WDFY1: variants seen among roughly 807,000 people sequenced by gnomAD.
WDFY1 encodes WD repeat and FYVE domain-containing protein 1.
In WDFY1, 32 loss-of-function variants were observed where a neutral mutation model predicts 56.4. The ratio of observed to expected loss-of-function variants is 0.57; its 90% CI spans 0.43 to 0.76. The LOEUF (loss-of-function observed/expected upper bound fraction) is 0.76. Among genes scored for constraint, WDFY1 ranks in the 30% least tolerant of loss-of-function variants. The pLI is 0.00. For missense variants in WDFY1, 480 were observed against 545.7 expected (o/e 0.88, Z 1.20); for synonymous variants, 192 against 197.3 (o/e 0.97, Z 0.23).
chr2:223,884,135 ATTAAAAAAT>A (rs1329513037), intron 9 of WDFY1, among the ~76,000 whole-genome samples: 2 of 151,972 alleles, frequency 1.3e-5, no homozygotes, highest in African/African-American at 4.8e-5. Flanking sequence ...TATTTCTTTA[ATTAAAAAAT>A]TTAAAAAACA....
intron 9 of WDFY1, among the ~76,000 whole-genome samples, chr2:223,884,418 G>A (rs748782299): frequency 1.1e-4 from 16 of 151,996 alleles, no homozygotes; most frequent in African/African-American, 1.4e-4. Flanking sequence ...GATTTTCTAC[G>A]CACCCCTGCC....
chr2:223,897,367 TATATATATA>T (rs1179841013), intron 6 of WDFY1, among the ~76,000 whole-genome samples: 54 of 31,570 alleles, frequency 1.7e-3, no homozygotes, highest in East Asian at 9.9e-3. Context: ...TATATATATA[TATATATATA>T]TATATATATA....
intron 6 of WDFY1, among the ~76,000 whole-genome samples, chr2:223,896,178 A>AAAAAAAAAAAC (rs1559165610): frequency 2.0e-5 from 3 of 148,126 alleles, no homozygotes; most frequent in African/African-American, 7.6e-5. Context: ...AAAAAAAAAA[A>AAAAAAAAAAAC]AAAAACTGCT....
In WDFY1 at chr2:223,903,671, G is replaced by T. The variant is rs1361675549; in HGVS notation, c.334+2276C>A. Among the ~76,000 whole-genome samples, 28 of 145,338 alleles carry T rather than the reference G, an allele frequency of 1.9e-4. No homozygotes were observed. The East Asian group carries it at 2.6e-3, about 13-fold the overall frequency. On this transcript the variant is annotated intron_variant, in intron 4 of 11. Coordinates refer to ENST00000233055, the MANE Select transcript of WDFY1 (RefSeq NM_020830.5). ...TTGTTTTTTTTTTTTTAAAAAAAGG[G>T]ACAGGATCTCACTCTGTTGCCCAGG...
At chr2:223,933,958 C>T (rs530938742) in intron 1 of WDFY1, among the ~76,000 whole-genome samples, 41 of 5,894 alleles carry the variant, frequency 7.0e-3, no homozygotes, top group Non-Finnish European at 0.043. Flanking sequence ...TGAGACCCTG[C>T]CTCAAAAAAA....
intron 8 of WDFY1, among the ~76,000 whole-genome samples, chr2:223,888,561 C>G (rs905216324): frequency 6.6e-6 from 1 of 150,558 alleles, no homozygotes; most frequent in Non-Finnish European, 1.5e-5. Flanking sequence ...AAAATAAATA[C>G]AGATAAGCCA....
At chr2:223,896,567 A>G (rs1693384450) in intron 6 of WDFY1, among the ~76,000 whole-genome samples, 1 of 152,228 alleles carries the variant, frequency 6.6e-6, no homozygotes, top group African/African-American at 2.4e-5. Flanking sequence ...TTCTACAGGT[A>G]TATCTTTCAG....
chr2:223,944,442 T>C (rs1186456278), intron 1 of WDFY1, among the ~76,000 whole-genome samples: 1 of 151,350 alleles, frequency 6.6e-6, no homozygotes, highest in Non-Finnish European at 1.5e-5. Context: ...CGCGGTGGGC[T>C]GGGAGGGGCG....
intron 1 of WDFY1, among the ~76,000 whole-genome samples, chr2:223,928,901 G>A (rs1694028255): frequency 1.4e-5 from 2 of 147,348 alleles, no homozygotes; most frequent in African/African-American, 2.7e-5. Flanking sequence ...TGTTATTGCA[G>A]GGGGGGTGAG....
intron 2 of WDFY1, among the ~76,000 whole-genome samples, chr2:223,915,094 T>C (rs1693765233): frequency 6.6e-6 from 1 of 152,260 alleles, no homozygotes. Context: ...AAAGTCATTC[T>C]AAAACAGACA....
chr2:223,932,313 A>G (rs902674155), intron 1 of WDFY1, among the ~76,000 whole-genome samples: 18 of 151,260 alleles, frequency 1.2e-4, no homozygotes, highest in East Asian at 8.0e-4. Flanking sequence ...TAGTAGAGAC[A>G]GGGTTTCACC....
chr2:223,944,183 C>T (rs1689361997), intron 1 of WDFY1, among the ~76,000 whole-genome samples: 1 of 152,184 alleles, frequency 6.6e-6, no homozygotes, highest in African/African-American at 2.4e-5. Context: ...CGTGAAATCC[C>T]TGAGTACAGG....
chr2:223,897,320 T>C (rs909480343), intron 6 of WDFY1, among the ~76,000 whole-genome samples: 7 of 147,338 alleles, frequency 4.8e-5, no homozygotes, highest in South Asian at 2.1e-4. Context: ...GCATCTGACA[T>C]AGTTTAGACA....
chr2:223,942,527 C>CTTTTTTTTTTTTTTTTTT (rs57223015), intron 1 of WDFY1, among the ~76,000 whole-genome samples: 3 of 74,220 alleles, frequency 4.0e-5, no homozygotes, highest in African/African-American at 6.2e-5. Flanking sequence ...CAAAGGCTAA[C>CTTTTTTTTTTTTTTTTTT]TTTTTTTTTT....
intron 3 of WDFY1, among the ~76,000 whole-genome samples, chr2:223,908,017 C>T (rs1310918081): frequency 4.7e-5 from 7 of 149,986 alleles, no homozygotes; most frequent in Non-Finnish European, 7.4e-5. Context: ...TGCCACCACA[C>T]TAAGCTAATT....
intron 1 of WDFY1, among the ~76,000 whole-genome samples, chr2:223,927,276 A>AT (rs1279863551): frequency 6.6e-6 from 1 of 152,240 alleles, no homozygotes; most frequent in Non-Finnish European, 1.5e-5. Flanking sequence ...AAAGTCCTAG[A>AT]TGGCATCTTC....
chr2:223,901,259 A>G lies in WDFY1; in HGVS notation c.409T>C (p.Cys137Arg), dbSNP rs1693503775. ...EWVISTGHDK[C>R]VSWMCTRSGN... The stretch of plus-strand genomic sequence containing the variant: ...CTCCGCGTGCACATCCAGCTCACAC[A>G]CTTGTCGTGGCCGGTACTGATCACC... Residue 137 changes from cysteine to arginine, a missense_variant, in exon 5 of 12, where the codon TGT becomes CGT. Transcript: ENST00000233055. 6.2e-7 allele frequency: 1 copy of G among 1,614,080 alleles called. No individual in the cohort carries two copies. The highest frequency in any genetic ancestry group is 8.5e-7 in the Non-Finnish European group (1 of 1,179,982).
At chr2:223,886,063 G>A (rs1358821210) in intron 8 of WDFY1, among the ~76,000 whole-genome samples, 1 of 152,200 alleles carries the variant, frequency 6.6e-6, no homozygotes, top group Non-Finnish European at 1.5e-5. Context: ...TAGAAAATAG[G>A]CCAGGTGTGG....
Position 223,940,236 on chromosome 2 carries a change from T to C in WDFY1, c.137+4912A>G, listed in dbSNP as rs555663809. Among the ~76,000 whole-genome samples the C allele has an allele frequency of 1.9e-3, 288 of 152,292 alleles. 1 individual carries two copies. Among genetic ancestry groups the C allele is most frequent in the African/African-American group, 6.8e-3 (281 of 41,566 alleles). ...CGGGAGGCTGAAGCAGGAGAATCGC[T>C]TGAACCTGGGAGGCAGAGGTTGCAG... is the stretch of plus-strand genomic sequence containing the variant. On this transcript the variant is annotated intron_variant, in intron 1 of 11. Coordinates refer to ENST00000233055, the MANE Select transcript of WDFY1 (RefSeq NM_020830.5).
Sources: gnomAD v4.1 joint callset for allele counts (sites outside exome capture counted in the v4.1 genomes callset) on GRCh38, gnomAD v4.1.1 for gene constraint, MANE v1.5 for transcripts, NCBI Gene and HGNC (gene_info 2026-07-23, HGNC 2026-07-21) for gene names.